The following PFKFB1 variants were observed in gnomAD, a reference collection of about 807,000 sequenced individuals.
PFKFB1 encodes the protein 6-phosphofructo-2-kinase/fructose-2,6-bisphosphatase 1.
A neutral mutation model predicts 46.4 loss-of-function variants in PFKFB1; 34 were observed. The observed-to-expected ratio is 0.73, with a 90% CI of 0.56 to 0.98. The LOEUF is 0.98. PFKFB1 is among the 50% of genes least tolerant of loss of function. The pLI, the probability that PFKFB1 is intolerant of heterozygous loss-of-function variation, is 0.00. For missense variants in PFKFB1, 393 were observed against 376.3 expected, an observed-to-expected ratio of 1.04 and a Z score of -0.37; for synonymous variants, 119 against 133.8, an observed-to-expected ratio of 0.89 and a Z score of 0.76.
chrX:54,985,212 C>T, intron 1 of PFKFB1, among the ~76,000 whole-genome samples: 1 of 111,633 alleles, frequency 9.0e-6, no homozygotes, highest in Middle Eastern at 4.6e-3. Context: ...AAGAGCCCTT[C>T]TGGGGTATGA....
In PFKFB1 at chrX:54,954,005, T is replaced by C. The variant is rs746154708; in HGVS notation, c.639-1893A>G. Among the ~76,000 whole-genome samples, 9 of 112,256 alleles carry C rather than the reference T, an allele frequency of 8.0e-5. No homozygotes were observed. The South Asian group carries it at 2.9e-3, about 37-fold the overall frequency. On this transcript the variant is annotated intron_variant, in intron 7 of 13. Transcript: ENST00000375006. ...GAGACCAGGATCATGTGAAGTCATT[T>C]AGAGGTGTTCCACACCAAAAATAGC...
At chrX:54,964,202 C>T (rs1284472274) in intron 1 of PFKFB1, among the ~76,000 whole-genome samples, 1 of 109,802 alleles carries the variant, frequency 9.1e-6, no homozygotes, top group Non-Finnish European at 1.9e-5. Flanking sequence ...TGGGTTAGAA[C>T]ATAGGAGGAG....
At chrX:54,965,837 T>G (rs1304866941) in intron 1 of PFKFB1, among the ~76,000 whole-genome samples, 1 of 111,289 alleles carries the variant, frequency 9.0e-6, no homozygotes, top group Non-Finnish European at 1.9e-5. Context: ...TAGTATTATT[T>G]AAAGGTGAAC....
rs779699593 is a variant in PFKFB1, at chrX:54,963,267, T to C, written c.213A>G (p.Thr71=). 2.5e-6 allele frequency: 3 copies of C among 1,210,179 alleles called. No homozygotes were observed. The highest frequency in any genetic ancestry group is 3.4e-6 in the Non-Finnish European group (3 of 894,296). ...CTTTCAGAGACATACCTTTAGTTGG[T>C]GTTCCTATCCAGTTGAGATATCGTG... ...KLTRYLNWIG[T]PTKVFNLGQY... Residue 71 remains threonine (T), a synonymous_variant, in exon 2 of 14, where the codon ACA becomes ACG. Transcript: ENST00000375006.
At chrX:54,981,167 T>G in intron 1 of PFKFB1, among the ~76,000 whole-genome samples, 1 of 110,851 alleles carries the variant, frequency 9.0e-6, no homozygotes, top group East Asian at 2.8e-4. Context: ...CTACCATGGG[T>G]TTAATTACAG....
At chrX:54,959,124 T>G (rs1236918099) in intron 4 of PFKFB1, among the ~76,000 whole-genome samples, 199 bp from the exon 5 acceptor site, 4 of 111,090 alleles carry the variant, frequency 3.6e-5, no homozygotes, top group Non-Finnish European at 5.7e-5. Context: ...TGTCCAGAAA[T>G]GTATGCTACC....
chrX:54,997,332 A>G (rs922387265), upstream of PFKFB1, among the ~76,000 whole-genome samples: 1 of 111,744 alleles, frequency 8.9e-6, no homozygotes, highest in Non-Finnish European at 1.9e-5. Context: ...AACTCGTGGC[A>G]GAGAAAGGGT....
At position 54,960,862 on chromosome X, in the gene PFKFB1, G is replaced by T. The variant is rs1292621025; in HGVS notation, c.279C>A (p.Phe93Leu). 1 of 1,195,047 alleles carries T rather than the reference G, an allele frequency of 8.4e-7. No individual in the cohort carries two copies. Among genetic ancestry groups the T allele is most frequent in the East Asian group, 3.0e-5 (1 of 33,195 alleles). ...GGGCTTCCATGTTGTCTGGAAGAAA[G>T]AATTCATAGTTCTTGTAGCTCACTG... is the stretch of plus-strand genomic sequence containing the variant. ...REAVSYKNYE[F>L]FLPDNMEALQ... Residue 93 changes from phenylalanine to leucine, a missense_variant, in exon 3 of 14, where the codon TTC becomes TTA. Transcript: ENST00000375006.
intron 7 of PFKFB1, among the ~76,000 whole-genome samples, chrX:54,952,318 C>T (rs1934011012): frequency 8.9e-6 from 1 of 112,078 alleles, no homozygotes. Context: ...TTGCATGCTA[C>T]CATTTCCCCC....
intron 1 of PFKFB1, among the ~76,000 whole-genome samples, chrX:54,990,202 TAAAA>T (rs1248455977): frequency 3.6e-5 from 4 of 109,999 alleles, no homozygotes; most frequent in African/African-American, 1.3e-4. Context: ...AAAATAAAGA[TAAAA>T]AAGGATCAAA....
chrX:54,956,303 G>A lies in PFKFB1; in HGVS notation c.517-29C>T, dbSNP rs1392936652. 2.5e-6 allele frequency: 3 copies of A among 1,202,129 alleles called. No individual in the cohort carries two copies. In the African/African-American group the frequency reaches 5.3e-5, roughly 21 times the overall value. ...GGAGCAGGGAGAACAGAGGTATCAA[G>A]GGAGACATTGGGAGACAGATGGTTT... On this transcript the variant is annotated intron_variant, in intron 6 of 13. Transcript: ENST00000375006.
intron 1 of PFKFB1, among the ~76,000 whole-genome samples, chrX:54,969,042 C>T (rs192596454): frequency 4.5e-5 from 5 of 111,319 alleles, no homozygotes; most frequent in Admixed American, 9.6e-5. Flanking sequence ...CGGTTTTTCC[C>T]AGGAATACAA....
At chrX:54,986,150 G>A (rs144288902) in intron 1 of PFKFB1, among the ~76,000 whole-genome samples, 5,179 of 111,534 alleles carry the variant, frequency 0.046, 311 homozygotes, top group African/African-American at 0.16. Context: ...CAGAAGATAG[G>A]TTTTAGACTG....
intron 1 of PFKFB1, among the ~76,000 whole-genome samples, chrX:54,990,689 C>G (rs890193602): frequency 9.0e-6 from 1 of 111,364 alleles, no homozygotes; most frequent in African/African-American, 3.3e-5. Context: ...AAATCACAGG[C>G]CAATCTCTTT....
intron 6 of PFKFB1, among the ~76,000 whole-genome samples, chrX:54,957,003 C>T (rs1397448688): frequency 8.9e-6 from 1 of 111,997 alleles, no homozygotes; most frequent in African/African-American, 3.2e-5. Flanking sequence ...CCAAAGTATT[C>T]TCCTGCCTAA....
chrX:54,939,796 C>A (rs746878031), intron 10 of PFKFB1, among the ~76,000 whole-genome samples: 39 of 111,820 alleles, frequency 3.5e-4, no homozygotes, highest in African/African-American at 1.2e-3. Flanking sequence ...GGATTCACAG[C>A]CGAATTCTAC....
At chrX:54,959,125 G>A (rs1934239836) in intron 4 of PFKFB1, among the ~76,000 whole-genome samples, 200 bp from the exon 5 acceptor site, 2 of 111,205 alleles carry the variant, frequency 1.8e-5, no homozygotes, top group Non-Finnish European at 3.8e-5. Context: ...GTCCAGAAAT[G>A]TATGCTACCC....
Position 54,963,377 on chromosome X carries a change from T to C in PFKFB1, c.103A>G (p.Ile35Val), listed in dbSNP as rs1934379828. The C allele has an allele frequency of 3.3e-6, 4 of 1,208,725 alleles. No homozygotes were observed. The highest frequency in any genetic ancestry group is 4.5e-6 in the Non-Finnish European group (4 of 894,115). The change falls in exon 2 of 14, where the codon ATA becomes GTA. Residue 35 changes from isoleucine to valine, a missense_variant. Physicochemically the swap from Ile to Val is conservative, Grantham distance 29 (BLOSUM62 3). Transcript: ENST00000375006. ...SRLQRRRGSS[I>V]PQFTNSPTMV... The stretch of plus-strand genomic sequence containing the variant: ...GTGGGGGAATTGGTAAACTGGGGTA[T>C]GGATGCTGAAAAATAAACAGACCCT...
chrX:54,959,257 G>A (rs900382260), intron 4 of PFKFB1, among the ~76,000 whole-genome samples: 6 of 110,001 alleles, frequency 5.5e-5, no homozygotes, highest in Admixed American at 9.7e-5. Context: ...TGACAGAGCA[G>A]AGCTAGAACT....
Sources: allele counts gnomAD v4.1 joint callset (sites outside exome capture counted in the v4.1 genomes callset), GRCh38; gene constraint gnomAD v4.1.1; transcripts MANE v1.5; gene names NCBI Gene and HGNC (gene_info 2026-07-23, HGNC 2026-07-21).